The following CACHD1 variants were observed in gnomAD, a reference collection of about 807,000 sequenced individuals.
The protein encoded by CACHD1 is cache domain containing 1.
CACHD1 carries 71 observed loss-of-function variants against 138.7 expected under a neutral mutation model. The ratio of observed to expected loss-of-function variants is 0.51; its 90% CI spans 0.42 to 0.62. CACHD1 has a LOEUF of 0.62. CACHD1 is among the 20% of genes least tolerant of loss of function. The probability of loss-of-function intolerance (pLI) is 0.00; values close to 1 mark genes in which losing one functional copy is unlikely to be tolerated. For missense variants in CACHD1, 1,389 were observed against 1,625.3 expected, an observed-to-expected ratio of 0.85 and a Z score of 2.50; for synonymous variants, 578 against 591.5, an observed-to-expected ratio of 0.98 and a Z score of 0.33.
intron 4 of CACHD1, among the ~76,000 whole-genome samples, chr1:64,626,929 G>T (rs1245722291): frequency 6.6e-6 from 1 of 152,046 alleles, no homozygotes; most frequent in Non-Finnish European, 1.5e-5. Context: ...TTCTCTTGTA[G>T]GTAAGGATTT....
chr1:64,655,003 G>A (rs1649218788), intron 12 of CACHD1, among the ~76,000 whole-genome samples, 200 bp downstream of exon 12: 1 of 152,162 alleles, frequency 6.6e-6, no homozygotes, highest in Admixed American at 6.5e-5. Flanking sequence ...TTATAAAACT[G>A]ATAATTGTTC....
At chr1:64,480,042 G>A (rs938979121) in intron 1 of CACHD1, among the ~76,000 whole-genome samples, 7 of 152,184 alleles carry the variant, frequency 4.6e-5, no homozygotes, top group Non-Finnish European at 2.9e-5. Context: ...CCTGCAAGGT[G>A]GACTCCCTGC....
At chr1:64,623,050 A>G (rs1175578514) in intron 4 of CACHD1, among the ~76,000 whole-genome samples, 1 of 152,202 alleles carries the variant, frequency 6.6e-6, no homozygotes, top group African/African-American at 2.4e-5. Flanking sequence ...GTTTTAAGAC[A>G]TATTTAAAAT....
At chr1:64,539,489 A>G (rs890752124) in intron 1 of CACHD1, among the ~76,000 whole-genome samples, 2 of 152,184 alleles carry the variant, frequency 1.3e-5, no homozygotes, top group South Asian at 2.1e-4. Context: ...CTGTTACCAC[A>G]TGTGACTTTG....
chr1:64,471,031 G>A, intron 1 of CACHD1, 89 bp downstream of exon 1: 2 of 1,304,754 alleles, frequency 1.5e-6, no homozygotes, highest in Non-Finnish European at 2.1e-6. Flanking sequence ...CCTGGACTGT[G>A]TGCATCGGCT....
At chr1:64,537,224 T>G (rs553281086) in intron 1 of CACHD1, among the ~76,000 whole-genome samples, 43 of 151,760 alleles carry the variant, frequency 2.8e-4, no homozygotes, top group South Asian at 2.5e-3. Context: ...AGCCGATGAT[T>G]GCGTTTTCCC....
intron 2 of CACHD1, among the ~76,000 whole-genome samples, chr1:64,552,650 G>A (rs865902902): frequency 2.6e-4 from 39 of 151,824 alleles, no homozygotes; most frequent in African/African-American, 9.4e-4. Flanking sequence ...ATTTTTTGTT[G>A]TTGTTTTTAG....
chr1:64,656,294 A>G (rs1363906081), intron 12 of CACHD1, among the ~76,000 whole-genome samples: 1 of 152,248 alleles, frequency 6.6e-6, no homozygotes, highest in Non-Finnish European at 1.5e-5. Flanking sequence ...GTCAAAGCCT[A>G]TTTTGAAATT....
intron 3 of CACHD1, among the ~76,000 whole-genome samples, chr1:64,585,052 T>C (rs986609394): frequency 1.3e-5 from 2 of 152,200 alleles, no homozygotes; most frequent in African/African-American, 4.8e-5. Flanking sequence ...AATACCGCAG[T>C]ACCATTTAGA....
chr1:64,500,586 C>T (rs549585600), intron 1 of CACHD1, among the ~76,000 whole-genome samples: 1 of 152,106 alleles, frequency 6.6e-6, no homozygotes, highest in South Asian at 2.1e-4. Flanking sequence ...GGCTCAGTGG[C>T]TCATGTTTGT....
chr1:64,673,295 C>G (rs750220037), intron 18 of CACHD1, 38 bp downstream of exon 18: 5 of 1,611,364 alleles, frequency 3.1e-6, no homozygotes, highest in Non-Finnish European at 3.4e-6. Flanking sequence ...GTTCTCCAAC[C>G]TCCTGCAGCT....
At chr1:64,683,507 A>G (rs923831166) in intron 26 of CACHD1, among the ~76,000 whole-genome samples, 70 of 152,208 alleles carry the variant, frequency 4.6e-4, no homozygotes, top group African/African-American at 1.5e-3. Flanking sequence ...AATTGCATCA[A>G]TACCAAATTA....
At chr1:64,685,708 C>A (rs28615112) in intron 26 of CACHD1, among the ~76,000 whole-genome samples, 1 of 151,888 alleles carries the variant, frequency 6.6e-6, no homozygotes, top group African/African-American at 2.4e-5. Context: ...CATGGTGGTA[C>A]GTGCCTGTAG....
Position 64,675,385 on chromosome 1 carries a change from C to T in CACHD1, c.2728-16C>T, listed in dbSNP as rs1242488434. 6.4e-7 allele frequency: 1 copy of T among 1,553,438 alleles called. No individual in the cohort carries two copies. Among genetic ancestry groups the T allele is most frequent in the South Asian group, 1.2e-5 (1 of 85,070 alleles). On this transcript the variant is annotated splice_polypyrimidine_tract_variant and intron_variant, in intron 19 of 26. Transcript: ENST00000651257. ...CATTGCTGTCTGTCATTTCTGATAC[C>T]TTGATTGTTCTGTAGGGGGATTTGA...
At chr1:64,513,898 C>G (rs1358939049) in intron 1 of CACHD1, among the ~76,000 whole-genome samples, 1 of 152,180 alleles carries the variant, frequency 6.6e-6, no homozygotes, top group Non-Finnish European at 1.5e-5. Context: ...GAATTTTAAA[C>G]ATTAGCTCAA....
chr1:64,515,739 A>C (rs1646454030), intron 1 of CACHD1, among the ~76,000 whole-genome samples: 1 of 152,180 alleles, frequency 6.6e-6, no homozygotes, highest in African/African-American at 2.4e-5. Context: ...GTTATCTGAC[A>C]CTATTTGGGG....
chr1:64,497,649 G>A (rs898374091), intron 1 of CACHD1, among the ~76,000 whole-genome samples: 10 of 152,100 alleles, frequency 6.6e-5, no homozygotes, highest in African/African-American at 1.9e-4. Context: ...GCCTCTGGCG[G>A]GAATATAATC....
chr1:64,632,629 G>A lies in CACHD1; in HGVS notation c.675G>A (p.Gln225=), dbSNP rs1557529154. Residue 225 remains glutamine (Q), a synonymous_variant, in exon 6 of 27, where the codon CAG becomes CAA. Coordinates refer to ENST00000651257, the MANE Select transcript of CACHD1 (RefSeq NM_020925.4). ...RPIYVSTVRP[Q]SKHIVVILDH... is the part of the protein sequence containing the mutation. Reference sequence around the variant, plus strand: ...TCTACGTCTCTACAGTCCGGCCGCAGTCAAAGCACATAGTAGTGATTCTGG... The same window carrying A: ...TCTACGTCTCTACAGTCCGGCCGCAATCAAAGCACATAGTAGTGATTCTGG... 1.9e-6 allele frequency: 3 copies of A among 1,614,046 alleles called. No homozygotes were observed. The highest frequency in any genetic ancestry group is 2.5e-6 in the Non-Finnish European group (3 of 1,179,994).
intron 21 of CACHD1, among the ~76,000 whole-genome samples, 166 bp downstream of exon 21, chr1:64,676,149 C>T (rs561333610): frequency 2.6e-4 from 39 of 151,870 alleles, no homozygotes; most frequent in African/African-American, 8.0e-4. Context: ...ATTCAAGCTC[C>T]GTAGTGCCAT....
Sources: gnomAD v4.1 joint callset for allele counts (sites outside exome capture counted in the v4.1 genomes callset) on GRCh38, gnomAD v4.1.1 for gene constraint, MANE v1.5 for transcripts, NCBI Gene and HGNC (gene_info 2026-07-23, HGNC 2026-07-21) for gene names.